TSPEAR: variants seen among roughly 807,000 people sequenced by gnomAD.
The protein encoded by TSPEAR is thrombospondin type laminin G domain and EAR repeats.
Under a neutral mutation model 71.6 loss-of-function variants are expected in TSPEAR, and 69 were observed. The ratio of observed to expected loss-of-function variants is 0.96; its 90% CI spans 0.79 to 1.18. The LOEUF (loss-of-function observed/expected upper bound fraction) is 1.18. TSPEAR is among the 50% of genes most tolerant of loss of function. The probability of loss-of-function intolerance (pLI) is 0.00; values close to 1 mark genes in which losing one functional copy is unlikely to be tolerated. For missense variants in TSPEAR, 971 were observed against 894.9 expected (o/e 1.09, Z -1.09); for synonymous variants, 402 against 387.2 (o/e 1.04, Z -0.45).
chr21:44,616,124 T>G (rs1416970993), intron 1 of TSPEAR, among the ~76,000 whole-genome samples: 1 of 152,078 alleles, frequency 6.6e-6, no homozygotes, highest in Non-Finnish European at 1.5e-5. Flanking sequence ...CAGCGGGGCT[T>G]CCTATGTGTC....
intron 1 of TSPEAR, among the ~76,000 whole-genome samples, chr21:44,620,523 C>T (rs1982373691): frequency 6.6e-6 from 1 of 152,170 alleles, no homozygotes; most frequent in African/African-American, 2.4e-5. Flanking sequence ...GTGATGTTCC[C>T]ATTTTCATTT....
At position 44,521,976 on chromosome 21, in the gene TSPEAR, C is replaced by A; in HGVS notation, c.1473G>T (p.Val491=). The change falls in exon 9 of 12, where the codon GTG becomes GTT. Residue 491 remains valine (V), a synonymous_variant. Transcript: ENST00000323084. ...AGGTGCCGTTGAAGGTGTTGGCCAC[C>A]ACCAGGAACGAGTAGGGCCCCACAC... is the stretch of plus-strand genomic sequence containing the variant. ...FFSVGPYSFL[V]VANTFNGTST... The A allele has an allele frequency of 6.2e-7, 1 of 1,614,144 alleles. No homozygotes were observed. Among genetic ancestry groups the A allele is most frequent in the Non-Finnish European group, 8.5e-7 (1 of 1,180,010 alleles).
At chr21:44,516,004 G>A (rs2052554819) in intron 9 of TSPEAR, 1 of 152,280 alleles carries the variant, frequency 6.6e-6, no homozygotes, top group Non-Finnish European at 1.5e-5. Context: ...TGTGGACACA[G>A]GGACACCTGT....
At position 44,646,765 on chromosome 21, in the gene TSPEAR, G is replaced by A. The variant is rs200166608; in HGVS notation, c.82+64668C>T. On this transcript the variant is annotated intron_variant, in intron 1 of 11. Transcript: ENST00000323084. ...CTGCCAGCAGGCCTGCTGTGTGCCT[G>A]TCTGCTGCAAGACTGTCTGCTGCAA... 5.1e-4 allele frequency: 824 copies of A among 1,613,642 alleles called. 5 individuals carry two copies. The Middle Eastern group carries it at 0.015, about 29-fold the overall frequency.
chr21:44,616,739 A>G (rs1982122789), intron 1 of TSPEAR, among the ~76,000 whole-genome samples: 1 of 152,254 alleles, frequency 6.6e-6, no homozygotes, highest in Non-Finnish European at 1.5e-5. Flanking sequence ...CACCTGGCTC[A>G]GCGCAGGCAG....
chr21:44,682,058 T>G lies in TSPEAR; in HGVS notation c.82+29375A>C. The G allele has an allele frequency of 1.9e-6, 3 of 1,614,034 alleles. No individual in the cohort carries two copies. The East Asian group carries it at 6.7e-5, about 36-fold the overall frequency. The stretch of plus-strand genomic sequence containing the variant: ...GGCAGCCCACGGGGATGTAACAGGA[T>G]GCCTGGCAGGGGCTGGGCGCGCAGC... On this transcript the variant is annotated intron_variant, in intron 1 of 11. Coordinates refer to ENST00000323084, the MANE Select transcript of TSPEAR (RefSeq NM_144991.3).
At chr21:44,670,821 G>A (rs931334783) in intron 1 of TSPEAR, among the ~76,000 whole-genome samples, 1 of 152,150 alleles carries the variant, frequency 6.6e-6, no homozygotes, top group African/African-American at 2.4e-5. Context: ...AACAGATCTT[G>A]TATCTCCACA....
intron 2 of TSPEAR, among the ~76,000 whole-genome samples, chr21:44,538,396 G>C (rs370781358): frequency 1.1e-4 from 16 of 145,646 alleles, no homozygotes; most frequent in South Asian, 1.1e-3. Flanking sequence ...CAGGCTCCTT[G>C]TCCCTACACC....
Position 44,612,635 on chromosome 21 carries a change from G to A in TSPEAR, c.83-44630C>T. ...CTGCAAGCCCATCTGCTGTGTGCCT[G>A]TCTGCTCTGGGGCTTCCTCTCTGTG... On this transcript the variant is annotated intron_variant, in intron 1 of 11. Coordinates refer to ENST00000323084, the MANE Select transcript of TSPEAR (RefSeq NM_144991.3). The surrounding 1 kb of genome is among the most constrained non-coding windows in gnomAD (Gnocchi z 4.1). The A allele has an allele frequency of 6.2e-7, 1 of 1,613,308 alleles. No homozygotes were observed. The highest frequency in any genetic ancestry group is 8.5e-7 in the Non-Finnish European group (1 of 1,179,868).
At chr21:44,599,172 C>CTCTCTCTCTCTCTCT (rs1372930980) in intron 1 of TSPEAR, among the ~76,000 whole-genome samples, 405 of 145,930 alleles carry the variant, frequency 2.8e-3, no homozygotes, top group Non-Finnish European at 3.1e-3. Context: ...CTCTCTCTCT[C>CTCTCTCTCTCTCTCT]CTTCCATCCC....
At chr21:44,517,442 C>G (rs117958236) in intron 9 of TSPEAR, 329 of 249,224 alleles carry the variant, frequency 1.3e-3, no homozygotes, top group Admixed American at 2.5e-3. Flanking sequence ...CTGGCACTAG[C>G]CAATGAGCTG....
intron 9 of TSPEAR, among the ~76,000 whole-genome samples, chr21:44,514,138 CCCAGCCCCTTCAGGCTGT>C (rs1441926851): frequency 6.6e-6 from 1 of 152,204 alleles, no homozygotes; most frequent in Non-Finnish European, 1.5e-5. Flanking sequence ...CCAGGCTCTG[CCCAGCCCCTTCAGGCTGT>C]CCTGGGCAGT....
rs782351586 is a variant in TSPEAR, at chr21:44,522,070, G to A, written c.1379C>T (p.Pro460Leu). 5.6e-5 allele frequency: 90 copies of A among 1,614,002 alleles called. No individual in the cohort carries two copies. The highest frequency in any genetic ancestry group is 4.0e-4 in the Admixed American group (24 of 60,002). The change falls in exon 9 of 12, where the codon CCG becomes CTG. Residue 460 changes from proline (P) to leucine (L), a missense_variant. By Grantham distance (98) the Pro-to-Leu change is moderately conservative. Transcript: ENST00000323084. ...GTTGGCCTCGAAGAGCCGGGTTGCC[G>A]GGTTCCACTTGTAGATGACACTGTC... ...NIDSVIYKWN[P>L]ATRLFEANQT... is the part of the protein sequence containing the mutation.
intron 10 of TSPEAR, chr21:44,508,777 G>A: frequency 7.7e-7 from 1 of 1,297,174 alleles, no homozygotes. Context: ...CAACATCGGG[G>A]GAAGGAAGTA....
At chr21:44,701,026 T>C (rs1555951465) in intron 1 of TSPEAR, among the ~76,000 whole-genome samples, 1 of 152,174 alleles carries the variant, frequency 6.6e-6, no homozygotes, top group Non-Finnish European at 1.5e-5. Flanking sequence ...CCCCAGACAA[T>C]GTCCCTACCC....
chr21:44,667,482 TC>T (rs1985848680), intron 1 of TSPEAR, among the ~76,000 whole-genome samples: 1 of 152,080 alleles, frequency 6.6e-6, no homozygotes, highest in African/African-American at 2.4e-5. Flanking sequence ...TGACCATGGA[TC>T]TTTGTCTTGA....
chr21:44,555,934 C>T (rs781825018), intron 2 of TSPEAR, among the ~76,000 whole-genome samples: 7 of 152,212 alleles, frequency 4.6e-5, no homozygotes, highest in Admixed American at 1.3e-4. Context: ...TGCATTTGCA[C>T]AGACATGCCA....
rs1004188997 is a variant in TSPEAR at position 44,677,344 on chromosome 21, C to A, written c.82+34089G>T. On this transcript the variant is annotated intron_variant, in intron 1 of 11. Transcript: ENST00000323084. ...TTCTTGCCCTCAATCTCAGAATTGTCCATGGCGGCTTTCAATATGTTGGAG... is the reference window on the plus strand; with the variant it reads ...TTCTTGCCCTCAATCTCAGAATTGTACATGGCGGCTTTCAATATGTTGGAG... 2.7e-5 allele frequency: 37 copies of A among 1,375,116 alleles called. No individual in the cohort carries two copies. The African/African-American group carries it at 4.6e-4, about 17-fold the overall frequency. 85.2% of individuals were successfully genotyped at this position (1,375,116 alleles called of 1,614,324 possible). A position where few individuals can be genotyped will look rare whatever the true frequency, so the allele number is the denominator to read the frequency against.
chr21:44,530,090 C>T (rs587687477), intron 4 of TSPEAR, 136 bp from the exon 5 acceptor site: 6 of 905,282 alleles, frequency 6.6e-6, no homozygotes, highest in Non-Finnish European at 9.7e-6. Flanking sequence ...GCAGAGCTAA[C>T]TGGGAAGAGT....
Sources: allele counts gnomAD v4.1 joint callset (sites outside exome capture counted in the v4.1 genomes callset), GRCh38; gene constraint gnomAD v4.1.1; non-coding constraint Gnocchi (gnomAD v3.1); transcripts MANE v1.5; gene names NCBI Gene and HGNC (gene_info 2026-07-23, HGNC 2026-07-21).